CATSPERG: variants seen among roughly 807,000 people sequenced by gnomAD.
The protein encoded by CATSPERG is cation channel sperm-associated auxiliary subunit gamma.
A neutral mutation model predicts 145.0 loss-of-function variants in CATSPERG; 115 were observed. The observed-to-expected ratio is 0.79, with a 90% CI of 0.68 to 0.93. The LOEUF (loss-of-function observed/expected upper bound fraction) is 0.93. Ranked by LOEUF, CATSPERG falls within the 40% of genes least tolerant of loss-of-function variation. The pLI, the probability that CATSPERG is intolerant of heterozygous loss-of-function variation, is 0.00. For missense variants in CATSPERG, 1,296 were observed against 1,490.1 expected (o/e 0.87, Z 2.14); for synonymous variants, 588 against 589.0 (o/e 1.00, Z 0.02).
intron 14 of CATSPERG, chr19:38,360,065 C>T: frequency 1.0e-6 from 1 of 985,026 alleles, no homozygotes; most frequent in Non-Finnish European, 1.2e-6. Flanking sequence ...GTGAAGGTTC[C>T]CTTCAGATGT....
At position 38,361,860 on chromosome 19, in the gene CATSPERG, A is replaced by C; in HGVS notation, c.2093A>C (p.Lys698Thr). The C allele has an allele frequency of 1.9e-6, 3 of 1,601,820 alleles. No homozygotes were observed. Among genetic ancestry groups the C allele is most frequent in the Non-Finnish European group, 2.6e-6 (3 of 1,173,582 alleles). The stretch of plus-strand genomic sequence containing the variant: ...CTGTGGCTGCACTCCGTGTACGACA[A>C]GGTGGGCGTCCGGCGGCGGGCGGGC... Reference protein sequence around the residue: ...YLLWLHSVYDKPYADPVHDPT... With the variant: ...YLLWLHSVYDTPYADPVHDPT... Residue 698 changes from lysine to threonine, a missense_variant and splice_region_variant, in exon 17 of 29, where the codon AAG becomes ACG. Physicochemically the swap from Lys to Thr is moderately conservative, Grantham distance 78 (BLOSUM62 -1). Coordinates refer to ENST00000409235, the MANE Select transcript of CATSPERG (RefSeq NM_021185.5).
At chr19:38,367,929 C>T (rs771801073) in intron 25 of CATSPERG, 119 bp from the exon 26 acceptor site, 31 of 1,141,086 alleles carry the variant, frequency 2.7e-5, no homozygotes, top group South Asian at 5.1e-5. Flanking sequence ...AACTCCTGCC[C>T]GCCCCTAACA....
Position 38,362,205 on chromosome 19 carries a change from T to C in CATSPERG, c.2095-5T>C, listed in dbSNP as rs1001992489. 1 of 1,587,712 alleles carries C rather than the reference T, an allele frequency of 6.3e-7. No homozygotes were observed. Among genetic ancestry groups the C allele is most frequent in the Non-Finnish European group, 8.6e-7 (1 of 1,167,094 alleles). ...TCCCTTCACGGTGCCGGGCGATCCC[T>C]GCAGCCGTACGCGGACCCGGTGCAC... On this transcript the variant is annotated splice_polypyrimidine_tract_variant and splice_region_variant and intron_variant, in intron 17 of 28. Transcript: ENST00000409235.
At chr19:38,366,989 A>C in intron 22 of CATSPERG, 167 bp from the exon 23 acceptor site, 1 of 630,176 alleles carries the variant, frequency 1.6e-6, no homozygotes. Context: ...CCACTGCACC[A>C]GGCCGTGTTA....
At chr19:38,338,400 G>C (rs547579161) in intron 3 of CATSPERG, among the ~76,000 whole-genome samples, 202 of 151,144 alleles carry the variant, frequency 1.3e-3, no homozygotes, top group African/African-American at 4.7e-3. Context: ...CGCCCGCCTC[G>C]GCCTCCTAGA....
At chr19:38,367,595 G>A (rs966671231) in intron 24 of CATSPERG, 23 bp downstream of exon 24, 6 of 1,613,694 alleles carry the variant, frequency 3.7e-6, no homozygotes, top group Non-Finnish European at 4.2e-6. Context: ...CCAGCTTGCA[G>A]CTAGGGCAGG....
intron 8 of CATSPERG, among the ~76,000 whole-genome samples, chr19:38,353,990 CAAAAAAAAAAAAAAAAA>C (rs965226814): frequency 3.3e-5 from 1 of 30,556 alleles, no homozygotes; most frequent in Non-Finnish European, 6.0e-5. Flanking sequence ...GACTCTGTCT[CAAAAAAAAAAAAAAAAA>C]AAAAAAAAAA....
Position 38,361,750 on chromosome 19 carries a change from G to C in CATSPERG, c.1983G>C (p.Arg661=). Residue 661 remains arginine (R), a synonymous_variant, in exon 17 of 29, where the codon CGG becomes CGC. Transcript: ENST00000409235. ...GATACACGCGCCAGGAGCGCTACCGGGCGCGGCCGCCGCGCGTCCTGGAGC... is the reference window on the plus strand; with the variant it reads ...GATACACGCGCCAGGAGCGCTACCGCGCGCGGCCGCCGCGCGTCCTGGAGC... ...PQRYTRQERY[R]ARPPRVLERS... The C allele has an allele frequency of 6.2e-7, 1 of 1,611,570 alleles. No individual in the cohort carries two copies.
intron 7 of CATSPERG, 116 bp downstream of exon 7, chr19:38,346,721 A>T (rs1284877740): frequency 1.2e-5 from 11 of 912,858 alleles, no homozygotes; most frequent in Non-Finnish European, 1.7e-5. Context: ...ATCTGTCCCC[A>T]TGAGAGGCAG....
At chr19:38,358,051 G>A in intron 11 of CATSPERG, 1 of 537,220 alleles carries the variant, frequency 1.9e-6, no homozygotes, top group Non-Finnish European at 3.3e-6. Flanking sequence ...CGAGGAGGCA[G>A]AAGTTGCAGT....
At chr19:38,369,939 T>TG in intron 26 of CATSPERG, 33 bp from the exon 27 acceptor site, 2 of 1,605,756 alleles carry the variant, frequency 1.2e-6, no homozygotes, top group Non-Finnish European at 1.7e-6. Context: ...TAGGCATGGT[T>TG]GGTAGCACAA....
chr19:38,364,745 G>A lies in CATSPERG; in HGVS notation c.2476-146G>A, dbSNP rs928995870. ...GACCAGCCCGGCCAACACCCCGTTA[G>A]CCTATTCCTGAGTAGAAAATGGCAG... On this transcript the variant is annotated intron_variant, in intron 20 of 28. Transcript: ENST00000409235. The A allele has an allele frequency of 1.6e-5, 11 of 683,324 alleles. No homozygotes were observed. The African/African-American group carries it at 1.9e-4, about 12-fold the overall frequency. The allele number at this position is 683,324 out of a possible 1,614,324, so 42.3% of individuals were successfully genotyped here.
chr19:38,338,755 C>T (rs933052577), intron 3 of CATSPERG, among the ~76,000 whole-genome samples: 3 of 152,110 alleles, frequency 2.0e-5, no homozygotes, highest in Non-Finnish European at 2.9e-5. Flanking sequence ...GTGGCTCCCA[C>T]CTGTAGAAAT....
chr19:38,350,217 C>G (rs140446206), intron 7 of CATSPERG, among the ~76,000 whole-genome samples: 1 of 152,256 alleles, frequency 6.6e-6, no homozygotes, highest in East Asian at 1.9e-4. Flanking sequence ...CAGCTAAACT[C>G]AATCACCAAA....
At chr19:38,344,569 G>C (rs1487068006) in intron 6 of CATSPERG, among the ~76,000 whole-genome samples, 3 of 151,980 alleles carry the variant, frequency 2.0e-5, no homozygotes, top group African/African-American at 7.3e-5. Context: ...AGAAAACTGA[G>C]GTCCCAAAGG....
chr19:38,362,941 G>A (rs1305490655), intron 20 of CATSPERG, 109 bp downstream of exon 20: 4 of 756,826 alleles, frequency 5.3e-6, no homozygotes, highest in Non-Finnish European at 8.6e-6. Context: ...TGCCAGTGGA[G>A]CGATCACTGC....
At chr19:38,351,564 C>T (rs1231108828) in intron 7 of CATSPERG, among the ~76,000 whole-genome samples, 9 of 150,348 alleles carry the variant, frequency 6.0e-5, no homozygotes, top group Non-Finnish European at 8.9e-5. Flanking sequence ...GCCAAGATCA[C>T]GCCACTGCAC....
Position 38,362,702 on chromosome 19 carries a change from T to C in CATSPERG, c.2357-12T>C. On this transcript the variant is annotated splice_polypyrimidine_tract_variant and intron_variant, in intron 19 of 28. Transcript: ENST00000409235. Reference sequence around the variant, plus strand: ...TGAGGGAGGCCTTAACCCCGTTTACTGCCCGGAGCAGGCACCGCCTTCCAG... The same window carrying C: ...TGAGGGAGGCCTTAACCCCGTTTACCGCCCGGAGCAGGCACCGCCTTCCAG... 1 of 1,613,646 alleles carries C rather than the reference T, an allele frequency of 6.2e-7. No individual in the cohort carries two copies. Among genetic ancestry groups the C allele is most frequent in the East Asian group, 2.2e-5 (1 of 44,846 alleles).
intron 22 of CATSPERG, chr19:38,365,784 T>G (rs1213092772): frequency 6.9e-6 from 1 of 145,418 alleles, no homozygotes; most frequent in Non-Finnish European, 1.5e-5. Flanking sequence ...CTCGGCTCAC[T>G]GCAACCTCCA....
Sources: gnomAD v4.1 joint callset for allele counts (sites outside exome capture counted in the v4.1 genomes callset) on GRCh38, gnomAD v4.1.1 for gene constraint, MANE v1.5 for transcripts, NCBI Gene and HGNC (gene_info 2026-07-23, HGNC 2026-07-21) for gene names.